The following CACNA2D3 variants were observed in gnomAD, a reference collection of about 807,000 sequenced individuals.
The protein encoded by CACNA2D3 is calcium voltage-gated channel auxiliary subunit alpha2delta 3.
In CACNA2D3, 60 loss-of-function variants were observed where a neutral mutation model predicts 160.6. The ratio of observed to expected loss-of-function variants is 0.37; its 90% CI spans 0.30 to 0.46. The LOEUF is 0.46. Among genes scored for constraint, CACNA2D3 ranks in the 20% least tolerant of loss-of-function variants. The pLI is 1.00. For synonymous variants in CACNA2D3, 558 were observed against 492.9 expected (o/e 1.13, Z -1.75); for missense variants, 1,205 against 1,365.0 (o/e 0.88, Z 1.85).
chr3:54,981,532 G>A (rs1559454160), intron 29 of CACNA2D3, among the ~76,000 whole-genome samples: 3 of 152,150 alleles, frequency 2.0e-5, no homozygotes, highest in Admixed American at 2.0e-4. Context: ...AAAGGAGAGA[G>A]AGAGAGAAAG....
At chr3:54,135,847 A>G (rs1699805399) in intron 2 of CACNA2D3, among the ~76,000 whole-genome samples, 1 of 152,188 alleles carries the variant, frequency 6.6e-6, no homozygotes, top group Non-Finnish European at 1.5e-5. Context: ...GGCCTGCCGC[A>G]GGTCTCACAG....
rs181557627 is a variant in CACNA2D3, at chr3:54,463,958, G to A, written c.382-39534G>A. Among the ~76,000 whole-genome samples, 658 of 151,568 alleles carry A rather than the reference G, an allele frequency of 4.3e-3. 7 individuals are homozygous for A. The highest frequency in any genetic ancestry group is 0.014 in the African/African-American group (570 of 41,454). ...GTACAGATGGGATTTTGGTGTGGAT[G>A]TCCTTTCTGTTTGTTAGTTTTCCTT... is the stretch of plus-strand genomic sequence containing the variant. On this transcript the variant is annotated intron_variant, in intron 4 of 37. Transcript: ENST00000474759.
intron 11 of CACNA2D3, among the ~76,000 whole-genome samples, chr3:54,729,348 C>CT (rs1412716425): frequency 3.3e-5 from 5 of 152,128 alleles, no homozygotes; most frequent in Non-Finnish European, 7.4e-5. Flanking sequence ...TGCCCTTTTT[C>CT]TTTTTTGTAG....
rs575730787 is a variant in CACNA2D3, at chr3:55,025,461, G to A, written c.2987+7144G>A. ...AGCCTGGCCAATATGGTGAAACTCC[G>A]TCTCTACTAAAAACACAAAAATTGG... On this transcript the variant is annotated intron_variant, in intron 35 of 37. Coordinates refer to ENST00000474759, the MANE Select transcript of CACNA2D3 (RefSeq NM_018398.3). Among the ~76,000 whole-genome samples the A allele has an allele frequency of 3.5e-4, 53 of 151,796 alleles. 1 individual carries two copies. In the South Asian group the frequency reaches 4.8e-3, roughly 14 times the overall value.
Position 55,033,708 on chromosome 3 carries a change from AAT to A in CACNA2D3, c.2987+15398_2987+15399del, listed in dbSNP as rs1445778366. Reference sequence around the variant, plus strand: ...ATATATACCCTTAAAAAATATATATAATATATATTATATATTAAATATATTTT... The same window carrying A: ...ATATATACCCTTAAAAAATATATATAATATATTATATATTAAATATATTTT... On this transcript the variant is annotated intron_variant, in intron 35 of 37. Coordinates refer to ENST00000474759, the MANE Select transcript of CACNA2D3 (RefSeq NM_018398.3). 8.7e-3 allele frequency among the ~76,000 whole-genome samples: 1,135 copies of A among 130,822 alleles called. 27 individuals carry two copies. Among genetic ancestry groups the A allele is most frequent in the African/African-American group, 0.031 (1,089 of 35,288 alleles). 85.8% of individuals were successfully genotyped at this position (130,822 alleles called of 152,430 possible). A position where few individuals can be genotyped will look rare whatever the true frequency, so the allele number is the denominator to read the frequency against.
intron 11 of CACNA2D3, among the ~76,000 whole-genome samples, chr3:54,743,961 A>G (rs1025035981): frequency 1.6e-4 from 25 of 152,204 alleles, no homozygotes; most frequent in African/African-American, 5.8e-4. Context: ...GCTGGATTCT[A>G]CAGACTCAGT....
chr3:54,382,941 A>C (rs992319215), intron 3 of CACNA2D3, among the ~76,000 whole-genome samples: 1 of 152,102 alleles, frequency 6.6e-6, no homozygotes, highest in Non-Finnish European at 1.5e-5. Context: ...TCTGCCTCCC[A>C]GGCTCAAGTG....
At chr3:54,968,721 C>G (rs966856703) in intron 28 of CACNA2D3, among the ~76,000 whole-genome samples, 4 of 152,154 alleles carry the variant, frequency 2.6e-5, no homozygotes, top group African/African-American at 9.7e-5. Context: ...GGAATTTGCT[C>G]CTAGGAACAG....
intron 3 of CACNA2D3, among the ~76,000 whole-genome samples, chr3:54,328,548 C>G (rs1312009125): frequency 6.6e-6 from 1 of 152,218 alleles, no homozygotes. Context: ...TCCCAAAGTA[C>G]TGGGATTACA....
chr3:54,859,817 A>G (rs536433564), intron 17 of CACNA2D3, among the ~76,000 whole-genome samples: 1 of 152,248 alleles, frequency 6.6e-6, no homozygotes, highest in South Asian at 2.1e-4. Context: ...GAGCAAGTCA[A>G]GGGGACATTT....
chr3:54,383,323 G>T (rs1474696431), intron 3 of CACNA2D3, among the ~76,000 whole-genome samples: 1 of 152,158 alleles, frequency 6.6e-6, no homozygotes, highest in Non-Finnish European at 1.5e-5. Flanking sequence ...TGTTTTGGGA[G>T]GGCATCTTCT....
chr3:54,484,664 G>T (rs1181158200), intron 4 of CACNA2D3, among the ~76,000 whole-genome samples: 2 of 151,986 alleles, frequency 1.3e-5, no homozygotes, highest in Admixed American at 1.3e-4. Context: ...CACATATTCT[G>T]TGTCTATCTT....
chr3:54,549,223 G>C (rs1031311428), intron 5 of CACNA2D3, among the ~76,000 whole-genome samples: 1 of 152,140 alleles, frequency 6.6e-6, no homozygotes, highest in Non-Finnish European at 1.5e-5. Context: ...GAGGCGGGCG[G>C]ATCACGAGGT....
chr3:54,884,887 C>T (rs116260685), intron 21 of CACNA2D3, among the ~76,000 whole-genome samples: 2,138 of 152,268 alleles, frequency 0.014, 46 homozygotes, highest in African/African-American at 0.049. Flanking sequence ...GTAAAATAAC[C>T]TGTTGACATC....
chr3:55,002,883 G>A (rs746139491), intron 31 of CACNA2D3, among the ~76,000 whole-genome samples: 2 of 152,188 alleles, frequency 1.3e-5, no homozygotes, highest in Non-Finnish European at 2.9e-5. Flanking sequence ...ATGTCCGTAA[G>A]TTACTGTCCA....
intron 2 of CACNA2D3, among the ~76,000 whole-genome samples, chr3:54,233,008 A>C (rs957635927): frequency 5.9e-5 from 9 of 152,322 alleles, no homozygotes; most frequent in African/African-American, 1.9e-4. Context: ...ATACGCAATA[A>C]GGTGAATGCT....
At chr3:54,300,250 G>T (rs906325485) in intron 2 of CACNA2D3, among the ~76,000 whole-genome samples, 3 of 152,112 alleles carry the variant, frequency 2.0e-5, no homozygotes, top group Admixed American at 6.5e-5. Flanking sequence ...TGTCTTGTTG[G>T]TTGACAGCAG....
At chr3:54,765,507 C>G (rs914535694) in intron 13 of CACNA2D3, among the ~76,000 whole-genome samples, 6 of 152,180 alleles carry the variant, frequency 3.9e-5, no homozygotes, top group Non-Finnish European at 5.9e-5. Flanking sequence ...ACAAAATAAG[C>G]TGCCCCATTT....
intron 27 of CACNA2D3, among the ~76,000 whole-genome samples, chr3:54,951,309 C>T (rs1205358227): frequency 2.0e-5 from 3 of 152,160 alleles, no homozygotes; most frequent in African/African-American, 7.2e-5. Context: ...AAGCCGCAGA[C>T]AAGATAAAGA....
Sources: gnomAD v4.1 joint callset for allele counts (sites outside exome capture counted in the v4.1 genomes callset) on GRCh38, gnomAD v4.1.1 for gene constraint, MANE v1.5 for transcripts, NCBI Gene and HGNC (gene_info 2026-07-23, HGNC 2026-07-21) for gene names.